Variants in RYR3 observed in about 807,000 individuals in gnomAD.
RYR3 encodes ryanodine receptor 3.
In RYR3, 207 loss-of-function variants were observed where a neutral mutation model predicts 584.3. That is an observed-to-expected ratio of 0.35 (90% CI 0.32 to 0.40). The LOEUF is 0.40. RYR3 is among the 10% of genes least tolerant of loss of function. The pLI, the probability that RYR3 is intolerant of heterozygous loss-of-function variation, is 1.00. For synonymous variants in RYR3, 2,416 were observed against 2,248.5 expected (o/e 1.07, Z -2.11); for missense variants, 5,616 against 6,089.2 (o/e 0.92, Z 2.59).
chr15:33,729,860 GAGCTCTGTGA>G (rs2152819765), intron 47 of RYR3, among the ~76,000 whole-genome samples: 1 of 152,260 alleles, frequency 6.6e-6, no homozygotes, highest in South Asian at 2.1e-4. Flanking sequence ...ACAGAAATCT[GAGCTCTGTGA>G]TGGGTTGTCA....
chr15:33,597,610 C>T (rs1014347742), intron 16 of RYR3, among the ~76,000 whole-genome samples: 3 of 117,864 alleles, frequency 2.5e-5, no homozygotes, highest in South Asian at 5.9e-4. Flanking sequence ...CAGTGTGAGA[C>T]TCTGTCTCAA....
At chr15:33,428,602 T>C (rs1199906997) in intron 1 of RYR3, among the ~76,000 whole-genome samples, 1 of 152,224 alleles carries the variant, frequency 6.6e-6, no homozygotes, top group Admixed American at 6.5e-5. Context: ...AGTTTTTTTT[T>C]CTGTCTCCTC....
At chr15:33,848,466 A>G (rs751111479) in intron 94 of RYR3, 45 bp downstream of exon 94, 2 of 1,570,308 alleles carry the variant, frequency 1.3e-6, no homozygotes, top group South Asian at 1.2e-5. Context: ...TGGAGTCTCT[A>G]CTGTAAATAG....
chr15:33,860,945 G>A (rs1043383971), intron 101 of RYR3, 133 bp from the exon 102 acceptor site: 1 of 657,854 alleles, frequency 1.5e-6, no homozygotes, highest in Non-Finnish European at 2.5e-6. Flanking sequence ...TGGCACTACT[G>A]AGTGAATGAC....
intron 16 of RYR3, among the ~76,000 whole-genome samples, chr15:33,596,228 A>G (rs1186136569): frequency 6.6e-6 from 1 of 151,896 alleles, no homozygotes; most frequent in Non-Finnish European, 1.5e-5. Context: ...CTTTAACAAT[A>G]ATGTTTTCCT....
chr15:33,779,773 C>G (rs919348937), intron 64 of RYR3, among the ~76,000 whole-genome samples: 3 of 151,874 alleles, frequency 2.0e-5, no homozygotes, highest in African/African-American at 7.3e-5. Flanking sequence ...GAGGCCGAGG[C>G]GGGCAGATCA....
chr15:33,611,277 C>T lies in RYR3; in HGVS notation c.2165-1906C>T, dbSNP rs561102253. On this transcript the variant is annotated intron_variant, in intron 18 of 103. Coordinates refer to ENST00000634891, the MANE Select transcript of RYR3 (RefSeq NM_001036.6). ...TTGAATAAAAAGTGTGTGTGTGGGG[C>T]TGGGCGCGGTGGCTCACGCCTGTAA... Among the ~76,000 whole-genome samples the T allele has an allele frequency of 1.6e-4, 25 of 152,228 alleles. 1 individual carries two copies. The South Asian group carries it at 5.0e-3, about 30-fold the overall frequency.
chr15:33,740,021 G>C (rs1375172432), intron 51 of RYR3, 26 bp downstream of exon 51: 2 of 1,608,464 alleles, frequency 1.2e-6, no homozygotes, highest in South Asian at 2.2e-5. Flanking sequence ...TCTCTGAGCT[G>C]GTGCTGTATT....
chr15:33,734,846 C>T (rs1202872265), intron 48 of RYR3, among the ~76,000 whole-genome samples: 5 of 151,914 alleles, frequency 3.3e-5, no homozygotes, highest in African/African-American at 9.7e-5. Flanking sequence ...CCCGCCACCA[C>T]GCCTGGCTAA....
chr15:33,632,899 G>C, intron 23 of RYR3, 50 bp from the exon 24 acceptor site: 1 of 1,529,350 alleles, frequency 6.5e-7, no homozygotes, highest in Non-Finnish European at 8.9e-7. Context: ...TCCGGAATGA[G>C]AAACTCATGG....
chr15:33,823,030 C>T lies in RYR3; in HGVS notation c.11030C>T (p.Ala3677Val). 1 of 1,613,562 alleles carries T rather than the reference C, an allele frequency of 6.2e-7. No individual in the cohort carries two copies. Among genetic ancestry groups the T allele is most frequent in the Non-Finnish European group, 8.5e-7 (1 of 1,179,666 alleles). ...MLDYLKEKKD[A>V]GFFQSLSGLM... is the part of the protein sequence containing the mutation. Reference sequence around the variant, plus strand: ...GATTACCTAAAGGAGAAAAAGGATGCTGGATTCTTTCAAAGCCTTTCTGGT... The same window carrying T: ...GATTACCTAAAGGAGAAAAAGGATGTTGGATTCTTTCAAAGCCTTTCTGGT... Residue 3677 changes from alanine (A) to valine (V), a missense_variant, in exon 81 of 104, where the codon GCT becomes GTT. Ala to Val is a moderately conservative substitution (Grantham distance 64). Transcript: ENST00000634891.
chr15:33,646,409 C>T lies in RYR3; in HGVS notation c.3824C>T (p.Thr1275Ile). 3.1e-6 allele frequency: 5 copies of T among 1,613,880 alleles called. No individual in the cohort carries two copies. The highest frequency in any genetic ancestry group is 4.2e-6 in the Non-Finnish European group (5 of 1,179,810). Residue 1275 changes from threonine to isoleucine, a missense_variant, in exon 29 of 104, where the codon ACA (threonine) becomes ATA (isoleucine). Thr to Ile is a moderately conservative substitution (Grantham distance 89). Transcript: ENST00000634891. ...CCGTGTCTCAAGGTGACGCATAAGA[C>T]ATTTGGCACACAGAATAGCAATGCC... ...SPPCLKVTHKTFGTQNSNADM... is the reference protein window; with the variant it reads ...SPPCLKVTHKIFGTQNSNADM...
chr15:33,852,829 C>A (rs2079244125), intron 94 of RYR3: 1 of 479,024 alleles, frequency 2.1e-6, no homozygotes, highest in Admixed American at 3.9e-5. Flanking sequence ...CAGTGGCCTT[C>A]TGAGTGTTTC....
intron 65 of RYR3, among the ~76,000 whole-genome samples, chr15:33,782,815 G>A (rs923632540): frequency 8.5e-5 from 13 of 152,276 alleles, no homozygotes; most frequent in Admixed American, 5.9e-4. Context: ...ACATCCTGGT[G>A]CATTTTCTTC....
intron 1 of RYR3, among the ~76,000 whole-genome samples, chr15:33,396,411 G>A (rs1365789556): frequency 6.6e-6 from 1 of 152,022 alleles, no homozygotes; most frequent in Non-Finnish European, 1.5e-5. Context: ...TGATCTTCTG[G>A]CCTCTGCCTG....
chr15:33,473,319 C>T (rs2049093356), intron 1 of RYR3, 100 bp from the exon 2 acceptor site: 1 of 1,392,498 alleles, frequency 7.2e-7, no homozygotes, highest in African/African-American at 1.4e-5. Context: ...ACGTGGCTGT[C>T]AGGGATTGGT....
intron 1 of RYR3, among the ~76,000 whole-genome samples, chr15:33,455,960 T>C (rs559282378): frequency 1.3e-5 from 2 of 152,212 alleles, no homozygotes; most frequent in African/African-American, 4.8e-5. Flanking sequence ...TGTTAATGAC[T>C]GTTTCCTTAG....
At chr15:33,463,600 A>G (rs7171036) in intron 1 of RYR3, among the ~76,000 whole-genome samples, 3,399 of 148,746 alleles carry the variant, frequency 0.023, 134 homozygotes, top group African/African-American at 0.078. Context: ...ATGTTACATA[A>G]CAGCATGTTC....
chr15:33,566,803 T>A lies in RYR3; in HGVS notation c.1268+4T>A, dbSNP rs1217449365. On this transcript the variant is annotated splice_donor_region_variant and intron_variant, in intron 12 of 103. Transcript: ENST00000634891. Reference sequence around the variant, plus strand: ...CCTTATTCAGCCAGTTTGTCAGGTATGTTAGCTCCTTTCCTCCTCTACCTA... The same window carrying A: ...CCTTATTCAGCCAGTTTGTCAGGTAAGTTAGCTCCTTTCCTCCTCTACCTA... 6.2e-7 allele frequency: 1 copy of A among 1,613,674 alleles called. No homozygotes were observed. The highest frequency in any genetic ancestry group is 8.5e-7 in the Non-Finnish European group (1 of 1,179,634).
Sources: allele counts gnomAD v4.1 joint callset (sites outside exome capture counted in the v4.1 genomes callset), GRCh38; gene constraint gnomAD v4.1.1; transcripts MANE v1.5; gene names NCBI Gene and HGNC (gene_info 2026-07-23, HGNC 2026-07-21).